RAD9B: variants seen among roughly 807,000 people sequenced by gnomAD.
The protein encoded by RAD9B is RAD9 checkpoint clamp component B, also known as cell cycle checkpoint control protein RAD9B.
A neutral mutation model predicts 48.3 loss-of-function variants in RAD9B; 41 were observed. The ratio of observed to expected loss-of-function variants is 0.85; its 90% CI spans 0.66 to 1.10. The LOEUF (loss-of-function observed/expected upper bound fraction) is 1.10. Ranked by LOEUF, RAD9B falls within the 50% of genes least tolerant of loss-of-function variation. The pLI is 0.00. For synonymous variants in RAD9B, 160 were observed against 157.9 expected, an observed-to-expected ratio of 1.01 and a Z score of -0.10; for missense variants, 444 against 485.1, an observed-to-expected ratio of 0.92 and a Z score of 0.80.
chr12:110,528,450 C>T (rs1181853252), intron 10 of RAD9B, among the ~76,000 whole-genome samples: 1 of 152,180 alleles, frequency 6.6e-6, no homozygotes, highest in Non-Finnish European at 1.5e-5. Context: ...ACCCGCAGTG[C>T]CGCCCACCAT....
Position 110,507,468 on chromosome 12 carries a change from T to TATATATGTATTAAATATAATACATA in RAD9B, c.388+844_388+868dup, listed in dbSNP as rs377666430. Among the ~76,000 whole-genome samples, 274 of 125,206 alleles carry TATATATGTATTAAATATAATACATA rather than the reference T, an allele frequency of 2.2e-3. 1 individual carries two copies. The highest frequency in any genetic ancestry group is 4.4e-3 in the Admixed American group (48 of 11,000). 82.1% of individuals were successfully genotyped at this position (125,206 alleles called of 152,430 possible). A position where few individuals can be genotyped will look rare whatever the true frequency, so the allele number is the denominator to read the frequency against. ...AATATATAACACGTATTAAGTATAATATATATGTATTAAATATAATACATA... is the reference window on the plus strand; with the variant it reads ...AATATATAACACGTATTAAGTATAATATATATGTATTAAATATAATACATAATATATGTATTAAATATAATACATA... On this transcript the variant is annotated intron_variant, in intron 4 of 10. Coordinates refer to ENST00000409300, the MANE Select transcript of RAD9B (RefSeq NM_001286535.2).
At position 110,505,769 on chromosome 12, in the gene RAD9B, G is replaced by T. The variant is rs920188835; in HGVS notation, c.270G>T (p.Met90Ile). ...TTLHLKCKLGMKSILPIFRCL... is the reference protein window; with the variant it reads ...TTLHLKCKLGIKSILPIFRCL... The stretch of plus-strand genomic sequence containing the variant: ...TGCATTTAAAATGCAAATTGGGAAT[G>T]AAGGTAAATATAAGTGGCCCTGGTT... The change falls in exon 3 of 11, where the codon ATG (methionine) becomes ATT (isoleucine). Residue 90 changes from methionine to isoleucine, a missense_variant. Coordinates refer to ENST00000409300, the MANE Select transcript of RAD9B (RefSeq NM_001286535.2). 3.1e-6 allele frequency: 5 copies of T among 1,611,642 alleles called. No homozygotes were observed. In the African/African-American group the frequency reaches 6.7e-5, roughly 22 times the overall value.
intron 6 of RAD9B, among the ~76,000 whole-genome samples, chr12:110,515,684 T>C (rs2063584556): frequency 6.6e-6 from 1 of 152,044 alleles, no homozygotes; most frequent in Non-Finnish European, 1.5e-5. Context: ...GAAAATTTGC[T>C]ACGGTCTTTT....
chr12:110,505,362 G>T (rs1338156175), intron 2 of RAD9B, among the ~76,000 whole-genome samples: 1 of 152,062 alleles, frequency 6.6e-6, no homozygotes, highest in African/African-American at 2.4e-5. Flanking sequence ...GTTCTTATTT[G>T]AACACATTTA....
Position 110,531,046 on chromosome 12 carries a change from C to T in RAD9B, c.*393C>T. 1.0e-6 allele frequency: 1 copy of T among 1,003,550 alleles called. No homozygotes were observed. The highest frequency in any genetic ancestry group is 1.2e-6 in the Non-Finnish European group (1 of 842,062). The allele number at this position is 1,003,550 out of a possible 1,614,324, so 62.2% of individuals were successfully genotyped here. Reference sequence around the variant, plus strand: ...GAAATGGAATTTTGTGATTTGTAGTCAGGTATCTTTTGTATTTGATTGCAA... The same window carrying T: ...GAAATGGAATTTTGTGATTTGTAGTTAGGTATCTTTTGTATTTGATTGCAA... On this transcript the variant is annotated 3_prime_UTR_variant, in exon 11 of 11. Transcript: ENST00000409300.
In RAD9B at chr12:110,531,447, C is replaced by T. The variant is rs2064134353; in HGVS notation, c.*794C>T. The T allele has an allele frequency of 7.4e-6, 5 of 674,454 alleles. No homozygotes were observed. The highest frequency in any genetic ancestry group is 1.0e-5 in the Non-Finnish European group (4 of 398,318). 41.8% of individuals were successfully genotyped at this position (674,454 alleles called of 1,614,324 possible). ...CCTCAAGTGATCTGCCCACCTCGGC[C>T]TCCCAAAGTGCTGGGATTACAGACT... On this transcript the variant is annotated 3_prime_UTR_variant, in exon 11 of 11. Transcript: ENST00000409300.
At chr12:110,509,977 C>T (rs527680897) in intron 4 of RAD9B, among the ~76,000 whole-genome samples, 13 of 152,142 alleles carry the variant, frequency 8.5e-5, no homozygotes, top group Admixed American at 6.5e-4. Context: ...TTTTTAAATA[C>T]GTAAAATATG....
chr12:110,507,101 C>T (rs1034420839), intron 4 of RAD9B, among the ~76,000 whole-genome samples: 1 of 151,984 alleles, frequency 6.6e-6, no homozygotes, highest in African/African-American at 2.4e-5. Flanking sequence ...GCCTCGGCCT[C>T]CCAAAGTGCT....
At chr12:110,508,851 G>C (rs1463117828) in intron 4 of RAD9B, among the ~76,000 whole-genome samples, 1 of 152,178 alleles carries the variant, frequency 6.6e-6, no homozygotes, top group African/African-American at 2.4e-5. Context: ...ATGGAGTGCA[G>C]TGGCGTGATC....
intron 4 of RAD9B, 44 bp downstream of exon 4, chr12:110,506,737 C>T: frequency 1.1e-6 from 1 of 905,258 alleles, no homozygotes; most frequent in Non-Finnish European, 1.8e-6. Flanking sequence ...GTTTTTTTCT[C>T]AATAGTTTTC....
chr12:110,511,843 C>T (rs1457590727), intron 4 of RAD9B, among the ~76,000 whole-genome samples: 1 of 151,998 alleles, frequency 6.6e-6, no homozygotes, highest in Admixed American at 6.6e-5. Context: ...ACATGTACCC[C>T]ATACATTTTT....
intron 10 of RAD9B, among the ~76,000 whole-genome samples, chr12:110,525,653 A>G (rs1044323846): frequency 2.6e-5 from 4 of 151,974 alleles, no homozygotes; most frequent in African/African-American, 9.7e-5. Flanking sequence ...GCTCTCTACT[A>G]TATAGTTACT....
At position 110,512,821 on chromosome 12, in the gene RAD9B, C is replaced by A; in HGVS notation, c.431C>A (p.Pro144His). 6.5e-7 allele frequency: 1 copy of A among 1,530,648 alleles called. No individual in the cohort carries two copies. Among genetic ancestry groups the A allele is most frequent in the Non-Finnish European group, 8.9e-7 (1 of 1,119,532 alleles). The allele number at this position is 1,530,648 out of a possible 1,614,324, so 94.8% of individuals were successfully genotyped here. A position where few individuals can be genotyped will look rare whatever the true frequency, so the allele number is the denominator to read the frequency against. Residue 144 changes from proline to histidine, a missense_variant, in exon 5 of 11, where the codon CCT (proline) becomes CAT (histidine). Physicochemically the swap from Pro to His is moderately conservative, Grantham distance 77 (BLOSUM62 -2). Transcript: ENST00000409300. The part of the protein sequence containing the change: ...THNICFQESQ[P>H]LQVIFDKNVC... ...AATATATGTTTTCAAGAAAGTCAGCCTTTGCAAGTTATTTTTGACAAGAAT... is the reference window on the plus strand; with the variant it reads ...AATATATGTTTTCAAGAAAGTCAGCATTTGCAAGTTATTTTTGACAAGAAT...
chr12:110,524,571 A>T (rs1232512034), intron 10 of RAD9B, among the ~76,000 whole-genome samples: 13 of 151,618 alleles, frequency 8.6e-5, no homozygotes, highest in African/African-American at 3.1e-4. Context: ...CAAAAAGAAA[A>T]AAATTATTGT....
chr12:110,520,628 C>CTTTTTTTTTTTTTTT (rs71083129), intron 9 of RAD9B, among the ~76,000 whole-genome samples: 248 of 99,482 alleles, frequency 2.5e-3, no homozygotes, highest in Middle Eastern at 9.8e-3. Flanking sequence ...TTCTTGCTTT[C>CTTTTTTTTTTTTTTT]TTTTTTTTTT....
chr12:110,531,861 T>A lies in RAD9B; in HGVS notation c.*1208T>A. 4.1e-6 allele frequency: 2 copies of A among 491,318 alleles called. No individual in the cohort carries two copies. Among genetic ancestry groups the A allele is most frequent in the East Asian group, 7.4e-5 (2 of 26,874 alleles). The allele number at this position is 491,318 out of a possible 1,614,324, so 30.4% of individuals were successfully genotyped here. On this transcript the variant is annotated 3_prime_UTR_variant, in exon 11 of 11. Coordinates refer to ENST00000409300, the MANE Select transcript of RAD9B (RefSeq NM_001286535.2). ...TGACAAACGAGACTTTTGTAACATATTATTGTTACATCTTTCTGAAACCTT... is the reference window on the plus strand; with the variant it reads ...TGACAAACGAGACTTTTGTAACATAATATTGTTACATCTTTCTGAAACCTT...
intron 10 of RAD9B, among the ~76,000 whole-genome samples, chr12:110,526,759 A>G (rs1200254886): frequency 6.6e-6 from 1 of 151,930 alleles, no homozygotes; most frequent in Non-Finnish European, 1.5e-5. Flanking sequence ...AATACAAAAA[A>G]CTAGCTGGGT....
intron 4 of RAD9B, among the ~76,000 whole-genome samples, chr12:110,510,536 T>C (rs1176740115): frequency 6.6e-6 from 1 of 152,140 alleles, no homozygotes; most frequent in Non-Finnish European, 1.5e-5. Flanking sequence ...AGAACAAGCA[T>C]GGAATAGCTT....
rs2063372851 is a variant in RAD9B, at chr12:110,508,915, C to T, written c.388+2222C>T. 3.3e-5 allele frequency among the ~76,000 whole-genome samples: 5 copies of T among 152,154 alleles called. No homozygotes were observed. In the East Asian group the frequency reaches 7.7e-4, roughly 23 times the overall value. On this transcript the variant is annotated intron_variant, in intron 4 of 10. Transcript: ENST00000409300. The stretch of plus-strand genomic sequence containing the variant: ...ACTCAGGTGATCCTCCTACCTCAGC[C>T]TCCAGAGTAGCTGGGATCACAGGAG...
Sources: gnomAD v4.1 joint callset for allele counts (sites outside exome capture counted in the v4.1 genomes callset) on GRCh38, gnomAD v4.1.1 for gene constraint, MANE v1.5 for transcripts, NCBI Gene and HGNC (gene_info 2026-07-23, HGNC 2026-07-21) for gene names.